PIN4: variants seen among roughly 807,000 people sequenced by gnomAD.
The protein encoded by PIN4 is peptidylprolyl cis/trans isomerase, NIMA-interacting 4.
In PIN4, 3 loss-of-function variants were observed where a neutral mutation model predicts 8.3. The ratio of observed to expected loss-of-function variants is 0.36; its 90% CI spans 0.16 to 0.93. The LOEUF (loss-of-function observed/expected upper bound fraction) is 0.93, where lower values mean the gene tolerates loss of function less well. Ranked by LOEUF, PIN4 falls within the 40% of genes least tolerant of loss-of-function variation. The pLI is 0.44. For synonymous variants in PIN4, 18 were observed against 32.5 expected (o/e 0.55, Z 1.52); for missense variants, 75 against 100.6 (o/e 0.75, Z 1.09).
intron 3 of PIN4, among the ~76,000 whole-genome samples, chrX:72,214,242 CAA>C (rs1456735942): frequency 9.0e-6 from 1 of 111,488 alleles, no homozygotes; most frequent in South Asian, 3.8e-4. Flanking sequence ...TAAACACAAA[CAA>C]TATTATTAAA....
chrX:72,252,538 C>T (rs1033817960), intron 3 of PIN4, among the ~76,000 whole-genome samples: 3 of 111,005 alleles, frequency 2.7e-5, no homozygotes, highest in Non-Finnish European at 5.7e-5. Context: ...TACAGGCACG[C>T]GCCACCACAC....
At chrX:72,199,113 CA>C (rs2042780253), downstream of PIN4, 1 of 111,501 alleles carries the variant, frequency 9.0e-6, no homozygotes, top group African/African-American at 3.3e-5. Context: ...GATTTATTGA[CA>C]TGGGGTCTTG....
Position 72,197,475 on chromosome X carries a change from G to T in PIN4, c.345G>T (p.Pro115=), listed in dbSNP as rs201381459. 1 of 1,205,499 alleles carries T rather than the reference G, an allele frequency of 8.3e-7. No individual in the cohort carries two copies. The highest frequency in any genetic ancestry group is 2.2e-5 in the Admixed American group (1 of 45,614). The change falls in exon 4 of 4, where the codon CCG becomes CCT. Residue 115 remains proline (P), a synonymous_variant. Coordinates refer to ENST00000373669, the MANE Select transcript of PIN4 (RefSeq NM_006223.4). ...GMDKPVFTDP[P]VKTKFGYHII... is the part of the protein sequence containing the mutation. ...ATAAGCCTGTGTTTACAGACCCACCGGTTAAGACAAAATTTGGATATCATA... is the reference window on the plus strand; with the variant it reads ...ATAAGCCTGTGTTTACAGACCCACCTGTTAAGACAAAATTTGGATATCATA...
At chrX:72,258,043 C>T (rs1210510705) in intron 3 of PIN4, among the ~76,000 whole-genome samples, 1 of 110,980 alleles carries the variant, frequency 9.0e-6, no homozygotes, top group East Asian at 2.8e-4. Context: ...TCCTTCACAA[C>T]AGGCAGGAGG....
At chrX:72,188,016 CAG>C (rs34336014) in intron 2 of PIN4, among the ~76,000 whole-genome samples, 5 of 108,609 alleles carry the variant, frequency 4.6e-5, no homozygotes, top group Admixed American at 9.8e-5. Context: ...CTATGCCCCA[CAG>C]AGAGAGAGAG....
intron 3 of PIN4, among the ~76,000 whole-genome samples, chrX:72,255,300 T>TAATAATAATA (rs1177786598): frequency 3.8e-5 from 4 of 105,985 alleles, no homozygotes; most frequent in Non-Finnish European, 7.7e-5. Flanking sequence ...ATAATAATAA[T>TAATAATAATA]AATAGTAATA....
intron 3 of PIN4, among the ~76,000 whole-genome samples, chrX:72,254,956 G>A (rs1453556631): frequency 9.0e-6 from 1 of 110,876 alleles, no homozygotes; most frequent in Non-Finnish European, 1.9e-5. Flanking sequence ...TCCAAAAGGT[G>A]TCCCAGGGGC....
At chrX:72,205,950 T>C in intron 3 of PIN4, 1 of 1,211,594 alleles carries the variant, frequency 8.3e-7, no homozygotes. Context: ...AAGGTTCCTC[T>C]TCCAACTTGG....
intron 1 of PIN4, among the ~76,000 whole-genome samples, chrX:72,183,611 C>G (rs1171701913): frequency 9.0e-6 from 1 of 111,567 alleles, no homozygotes; most frequent in East Asian, 2.8e-4. Context: ...GAAACAGAAG[C>G]CAGATTACCG....
chrX:72,241,079 G>C (rs1273268512), intron 3 of PIN4, among the ~76,000 whole-genome samples: 1 of 110,966 alleles, frequency 9.0e-6, no homozygotes, highest in Non-Finnish European at 1.9e-5. Context: ...GGCGGGAAAT[G>C]AGGTTGATGA....
At chrX:72,240,161 G>T (rs1448470455) in intron 3 of PIN4, among the ~76,000 whole-genome samples, 8 of 110,134 alleles carry the variant, frequency 7.3e-5, no homozygotes. Context: ...TATAATAAAA[G>T]GAAGACAAAA....
At chrX:72,241,586 G>T (rs2043049149) in intron 3 of PIN4, among the ~76,000 whole-genome samples, 1 of 112,601 alleles carries the variant, frequency 8.9e-6, no homozygotes, top group South Asian at 3.6e-4. Context: ...CCTTTGGGAG[G>T]CTGAGGCGGG....
intron 3 of PIN4, among the ~76,000 whole-genome samples, chrX:72,250,799 C>T (rs1367171120): frequency 3.1e-5 from 3 of 98,356 alleles, no homozygotes; most frequent in East Asian, 6.4e-4. Context: ...GAGTGCAGTG[C>T]CGCAATCTCG....
chrX:72,249,029 G>A (rs2043077741), intron 3 of PIN4, among the ~76,000 whole-genome samples: 1 of 111,861 alleles, frequency 8.9e-6, no homozygotes, highest in Admixed American at 9.5e-5. Context: ...ACTCACTGGG[G>A]ATATCTTAAA....
chrX:72,190,681 G>A (rs899883990), intron 2 of PIN4, among the ~76,000 whole-genome samples: 2 of 110,957 alleles, frequency 1.8e-5, no homozygotes, highest in African/African-American at 3.3e-5. Flanking sequence ...GCCGGGCGCC[G>A]GTGGCTCATG....
chrX:72,211,536 C>T (rs1419235074), intron 3 of PIN4, among the ~76,000 whole-genome samples: 1 of 111,909 alleles, frequency 8.9e-6, no homozygotes. Context: ...TCTCCCCAAA[C>T]ACGTGAGGAT....
intron 3 of PIN4, among the ~76,000 whole-genome samples, chrX:72,209,950 C>T (rs755212952): frequency 2.8e-4 from 31 of 110,420 alleles, no homozygotes; most frequent in African/African-American, 9.9e-4. Context: ...GATCATAGAT[C>T]TAAATCTAAG....
chrX:72,238,956 TTGGAGCTTGGAGC>T (rs1569492596), intron 3 of PIN4: 3 of 968,357 alleles, frequency 3.1e-6, no homozygotes, highest in Admixed American at 5.2e-5. Flanking sequence ...AGTTTGGAGC[TTGGAGCTTGGAGC>T]TTGGAGCTTG....
rs139365371 is a variant in PIN4 at position 72,208,356 on chromosome X, G to A, written c.312+11452G>A. 78 of 1,209,943 alleles carry A rather than the reference G, an allele frequency of 6.4e-5. No individual in the cohort carries two copies. The highest frequency in any genetic ancestry group is 7.6e-5 in the Non-Finnish European group (68 of 895,126). ...TCACAAGTGATGCATCAAACATACC[G>A]GAAAGGAAAGCAATGATTTGAACAG... On this transcript the variant is annotated intron_variant, in intron 3 of 3. Transcript: ENST00000423432.
Sources: gnomAD v4.1 joint callset for allele counts (sites outside exome capture counted in the v4.1 genomes callset) on GRCh38, gnomAD v4.1.1 for gene constraint, MANE v1.5 for transcripts, NCBI Gene and HGNC (gene_info 2026-07-23, HGNC 2026-07-21) for gene names.